Variants in ACO1 observed in about 807,000 individuals in gnomAD.
ACO1 encodes aconitase 1.
A neutral mutation model predicts 105.1 loss-of-function variants in ACO1; 78 were observed. The observed-to-expected ratio is 0.74, with a 90% CI of 0.62 to 0.90. The LOEUF is 0.90. Ranked by LOEUF, ACO1 falls within the 40% of genes least tolerant of loss-of-function variation. The pLI is 0.00. For synonymous variants in ACO1, 364 were observed against 397.4 expected (o/e 0.92, Z 1.00); for missense variants, 965 against 1,111.1 (o/e 0.87, Z 1.87).
At chr9:32,433,060 C>A (rs1046108998) in intron 15 of ACO1, among the ~76,000 whole-genome samples, 2 of 152,142 alleles carry the variant, frequency 1.3e-5, no homozygotes, top group Non-Finnish European at 2.9e-5. Flanking sequence ...TAGCTGGCTT[C>A]CATCAGAGCA....
At position 32,421,011 on chromosome 9, in the gene ACO1, G is replaced by C. The variant is rs756227987; in HGVS notation, c.954G>C (p.Thr318=). The C allele has an allele frequency of 2.2e-5, 36 of 1,613,910 alleles. No individual in the cohort carries two copies. Among genetic ancestry groups the C allele is most frequent in the Non-Finnish European group, 2.7e-5 (32 of 1,179,940 alleles). ...AFFPVDEVSI[T]YLVQTGRDEE... ...TCCCAGTTGATGAAGTTAGTATCAC[G>C]TACCTGGTGCAAACAGGTAAGTGAA... Residue 318 remains threonine (T), a synonymous_variant, in exon 8 of 21, where the codon ACG becomes ACC. Coordinates refer to ENST00000309951, the MANE Select transcript of ACO1 (RefSeq NM_002197.3).
At chr9:32,412,557 A>G (rs757710722) in intron 4 of ACO1, among the ~76,000 whole-genome samples, 4 of 152,218 alleles carry the variant, frequency 2.6e-5, no homozygotes, top group Non-Finnish European at 5.9e-5. Context: ...CAAACCAGAT[A>G]AATTCAGGAT....
chr9:32,434,658 A>G lies in ACO1; in HGVS notation c.2056A>G (p.Ile686Val). 6.2e-7 allele frequency: 1 copy of G among 1,614,148 alleles called. No individual in the cohort carries two copies. ...TTDHISPAGN[I>V]ARNSPAARYL... is the part of the protein sequence containing the mutation. ...TGACCACATCTCCCCAGCTGGAAAT[A>G]TTGCAAGAAACAGTCCTGCTGCTCG... The change falls in exon 17 of 21, where the codon ATT becomes GTT. Residue 686 changes from isoleucine to valine, a missense_variant. Coordinates refer to ENST00000309951, the MANE Select transcript of ACO1 (RefSeq NM_002197.3).
chr9:32,432,235 C>T (rs756705045), intron 15 of ACO1, among the ~76,000 whole-genome samples: 1 of 152,266 alleles, frequency 6.6e-6, no homozygotes, highest in South Asian at 2.1e-4. Context: ...TGCATTTTTG[C>T]ACACTTAAAA....
Position 32,433,727 on chromosome 9 carries a change from G to A in ACO1, c.1852-1G>A. 2 of 1,596,394 alleles carry A rather than the reference G, an allele frequency of 1.3e-6. No individual in the cohort carries two copies. Among genetic ancestry groups the A allele is most frequent in the Non-Finnish European group, 1.7e-6 (2 of 1,175,270 alleles). On this transcript the variant is annotated splice_acceptor_variant, in intron 15 of 20. Transcript: ENST00000309951. LOFTEE classifies it high-confidence loss of function. ...GATCTGCCTTTCTTTTCTTTTTTAAGACTGTGAATGAAAGCTGGAATGCCT... is the reference window on the plus strand; with the variant it reads ...GATCTGCCTTTCTTTTCTTTTTTAAAACTGTGAATGAAAGCTGGAATGCCT...
chr9:32,411,182 C>G (rs1037354188), intron 4 of ACO1, among the ~76,000 whole-genome samples: 9 of 152,174 alleles, frequency 5.9e-5, no homozygotes, highest in Admixed American at 5.9e-4. Flanking sequence ...GAAGTAACTT[C>G]AAGATTACAC....
At chr9:32,393,779 G>A (rs148715941) in intron 1 of ACO1, among the ~76,000 whole-genome samples, 5 of 152,168 alleles carry the variant, frequency 3.3e-5, no homozygotes, top group African/African-American at 7.2e-5. Context: ...AAGAACCTAC[G>A]TGAAATATCA....
intron 19 of ACO1, among the ~76,000 whole-genome samples, chr9:32,442,460 TAAA>T (rs1397433099): frequency 3.3e-5 from 5 of 152,214 alleles, no homozygotes; most frequent in African/African-American, 1.2e-4. Flanking sequence ...TTATTAATAA[TAAA>T]CTAATGGGGA....
intron 1 of ACO1, among the ~76,000 whole-genome samples, chr9:32,395,763 T>C (rs559529288): frequency 2.0e-5 from 3 of 152,376 alleles, no homozygotes; most frequent in African/African-American, 7.2e-5. Context: ...CTCTGGAATT[T>C]ATAAATGTCG....
intron 1 of ACO1, among the ~76,000 whole-genome samples, chr9:32,390,497 C>A (rs1176583522): frequency 6.6e-6 from 1 of 152,200 alleles, no homozygotes; most frequent in Admixed American, 6.5e-5. Flanking sequence ...AGATTGCAGT[C>A]TTCAAATAAG....
chr9:32,409,452 T>C (rs1199294045), intron 4 of ACO1, among the ~76,000 whole-genome samples: 1 of 152,220 alleles, frequency 6.6e-6, no homozygotes, highest in African/African-American at 2.4e-5. Flanking sequence ...ATGACACCTT[T>C]AGGTGGGGAA....
intron 19 of ACO1, among the ~76,000 whole-genome samples, chr9:32,444,509 T>C (rs1396802872): frequency 6.6e-6 from 1 of 152,254 alleles, no homozygotes; most frequent in Non-Finnish European, 1.5e-5. Context: ...TTTTTAATGA[T>C]CGCCATTCTA....
chr9:32,408,429 A>G (rs906112331), intron 3 of ACO1, 85 bp from the exon 4 acceptor site: 21 of 1,512,212 alleles, frequency 1.4e-5, no homozygotes, highest in Middle Eastern at 1.8e-4. Flanking sequence ...GGCCTTGTCA[A>G]TATTATCAAT....
At chr9:32,434,751 A>C in intron 17 of ACO1, 50 bp downstream of exon 17, 2 of 1,601,770 alleles carry the variant, frequency 1.2e-6, no homozygotes, top group South Asian at 1.1e-5. Context: ...GGAGGAATGG[A>C]GTTAATGAGG....
intron 18 of ACO1, among the ~76,000 whole-genome samples, chr9:32,436,669 C>G (rs187236679): frequency 2.6e-5 from 4 of 152,188 alleles, no homozygotes; most frequent in African/African-American, 4.8e-5. Flanking sequence ...TTAAAGTATT[C>G]GAAGGGGAAA....
At chr9:32,394,521 T>C (rs1360273773) in intron 1 of ACO1, among the ~76,000 whole-genome samples, 2 of 147,222 alleles carry the variant, frequency 1.4e-5, no homozygotes, top group South Asian at 2.3e-4. Flanking sequence ...CAAGGTCTAA[T>C]GCTGCTTTAG....
chr9:32,425,713 T>C (rs1010324228), intron 10 of ACO1, 125 bp from the exon 11 acceptor site: 7 of 588,152 alleles, frequency 1.2e-5, no homozygotes, highest in African/African-American at 1.2e-4. Flanking sequence ...AAATTATAGT[T>C]ACCAAAGTAT....
chr9:32,452,438 C>T lies in ACO1; in HGVS notation c.*2327C>T, dbSNP rs1360259815. ...ATGGGAGAACACAGCAAGAAGTCAC[C>T]ATCCGTGAACCAGAAAGTGGGTTCT... On this transcript the variant is annotated 3_prime_UTR_variant, in exon 21 of 21. Transcript: ENST00000309951. The T allele has an allele frequency of 6.6e-6, 1 of 152,256 alleles. No individual in the cohort carries two copies. The highest frequency in any genetic ancestry group is 1.5e-5 in the Non-Finnish European group (1 of 68,092). 9.4% of individuals were successfully genotyped at this position (152,256 alleles called of 1,614,324 possible). A position where few individuals can be genotyped will look rare whatever the true frequency, so the allele number is the denominator to read the frequency against.
intron 1 of ACO1, among the ~76,000 whole-genome samples, chr9:32,401,056 A>G (rs1488060205): frequency 1.3e-5 from 2 of 151,818 alleles, no homozygotes; most frequent in Non-Finnish European, 2.9e-5. Flanking sequence ...AACATTTTGT[A>G]TCTTGAATCT....
Sources: allele counts gnomAD v4.1 joint callset (sites outside exome capture counted in the v4.1 genomes callset), GRCh38; gene constraint gnomAD v4.1.1; transcripts MANE v1.5; gene names NCBI Gene and HGNC (gene_info 2026-07-23, HGNC 2026-07-21).